Variants in SV2B observed in about 807,000 individuals in gnomAD.
SV2B encodes synaptic vesicle glycoprotein 2B, also known as solute carrier family 22 member B2.
A neutral mutation model predicts 73.9 loss-of-function variants in SV2B; 41 were observed. The ratio of observed to expected loss-of-function variants is 0.56; its 90% CI spans 0.43 to 0.72. The LOEUF (loss-of-function observed/expected upper bound fraction) is 0.72. Ranked by LOEUF, SV2B falls within the 30% of genes least tolerant of loss-of-function variation. SV2B has a pLI of 0.00. For synonymous variants in SV2B, 314 were observed against 314.2 expected (o/e 1.00, Z 0.01); for missense variants, 764 against 857.8 (o/e 0.89, Z 1.37).
chr15:91,301,706 T>C lies in SV2B; in HGVS notation c.*9154T>C, dbSNP rs564122087. Among the ~76,000 whole-genome samples the C allele has an allele frequency of 8.7e-4, 132 of 152,294 alleles. No homozygotes were observed. The Middle Eastern group carries it at 0.01, about 12-fold the overall frequency. On this transcript the variant is annotated 3_prime_UTR_variant, in exon 13 of 13. Coordinates refer to ENST00000394232, the MANE Select transcript of SV2B (RefSeq NM_001323032.3). This position sits in a 1 kb window ranked among gnomAD's most constrained non-coding sequence, Gnocchi z 4.3. Reference sequence around the variant, plus strand: ...ACTGAGTATTCCTTATCCCAAATGTTTGGGACCAGAAGTGTTCTGGATTTC... The same window carrying C: ...ACTGAGTATTCCTTATCCCAAATGTCTGGGACCAGAAGTGTTCTGGATTTC...
intron 9 of SV2B, among the ~76,000 whole-genome samples, chr15:91,270,978 C>CGGTGAGTCCTGTGGACGATGGGA (rs2048289625): frequency 1.1e-5 from 1 of 90,998 alleles, no homozygotes; most frequent in African/African-American, 6.7e-5. Context: ...GGATGATGGG[C>CGGTGAGTCCTGTGGACGATGGGA]GGACGGTGAG....
rs1349976242 is a variant in SV2B, at chr15:91,111,738, A to G, written c.-392+11375A>G. ...GGGTAATTTATAAGAAAAGAGTTTT[A>G]ATTGGCTCATGGTTCTGCAGGCTAC... On this transcript the variant is annotated intron_variant, in intron 1 of 12. Transcript: ENST00000394232. Among the ~76,000 whole-genome samples the G allele has an allele frequency of 2.6e-5, 4 of 152,266 alleles. No individual in the cohort carries two copies. In the East Asian group the frequency reaches 5.8e-4, roughly 22 times the overall value.
At position 91,174,101 on chromosome 15, in the gene SV2B, A is replaced by G. The variant is rs145564557; in HGVS notation, c.-391-51772A>G. 6.3e-3 allele frequency among the ~76,000 whole-genome samples: 964 copies of G among 152,338 alleles called. 10 individuals carry two copies. Among genetic ancestry groups the G allele is most frequent in the African/African-American group, 0.022 (910 of 41,570 alleles). ...CACTTGTCTGAAAAGTCTAATACCA[A>G]ACAGGTTTCTGAAGAGCCAGCGGAA... is the stretch of plus-strand genomic sequence containing the variant. On this transcript the variant is annotated intron_variant, in intron 1 of 12. Transcript: ENST00000394232.
At chr15:91,186,183 A>G (rs2044762981) in intron 1 of SV2B, among the ~76,000 whole-genome samples, 1 of 152,234 alleles carries the variant, frequency 6.6e-6, no homozygotes, top group South Asian at 2.1e-4. Flanking sequence ...ATACAGAATG[A>G]AAGAAGGCTG....
At chr15:91,131,647 A>C (rs529060895) in intron 1 of SV2B, among the ~76,000 whole-genome samples, 14 of 135,884 alleles carry the variant, frequency 1.0e-4, no homozygotes, top group Admixed American at 9.7e-4. Context: ...GCTACAAAAA[A>C]TTTGAAAAAA....
At chr15:91,181,186 C>A (rs1237940503) in intron 1 of SV2B, among the ~76,000 whole-genome samples, 1 of 152,224 alleles carries the variant, frequency 6.6e-6, no homozygotes, top group Non-Finnish European at 1.5e-5. Context: ...TGGGTTTCAG[C>A]AGCAGTGTCT....
At chr15:91,233,123 T>C (rs1290545872) in intron 2 of SV2B, among the ~76,000 whole-genome samples, 3 of 152,192 alleles carry the variant, frequency 2.0e-5, no homozygotes, top group Non-Finnish European at 4.4e-5. Context: ...TGGGCACTTA[T>C]GTTGATTCGA....
Position 91,268,489 on chromosome 15 carries a change from A to G in SV2B, c.1257A>G (p.Gln419=). ...TTCCTGATATGATCCGCTATTTTCA[A>G]GATGAAGAATACAAGTCTAAAATGA... ...VWFPDMIRYF[Q]DEEYKSKMKV... Residue 419 remains glutamine, a synonymous_variant, in exon 9 of 13, where the codon CAA becomes CAG. Coordinates refer to ENST00000394232, the MANE Select transcript of SV2B (RefSeq NM_001323032.3). The surrounding 1 kb of genome is among the most constrained non-coding windows in gnomAD (Gnocchi z 4.4). 1 of 1,614,112 alleles carries G rather than the reference A, an allele frequency of 6.2e-7. No individual in the cohort carries two copies. The highest frequency in any genetic ancestry group is 8.5e-7 in the Non-Finnish European group (1 of 1,179,960).
At chr15:91,262,511 G>A (rs913009438) in intron 6 of SV2B, among the ~76,000 whole-genome samples, 1 of 152,046 alleles carries the variant, frequency 6.6e-6, no homozygotes, top group African/African-American at 2.4e-5. Flanking sequence ...GGTTGTTATA[G>A]AGGTGAACGT....
intron 1 of SV2B, among the ~76,000 whole-genome samples, chr15:91,205,539 T>G (rs2045604243): frequency 6.6e-6 from 1 of 152,000 alleles, no homozygotes; most frequent in African/African-American, 2.4e-5. Flanking sequence ...CTAATATTTG[T>G]ATTTTTAGTA....
In SV2B at chr15:91,123,332, C is replaced by A. The variant is rs141336828; in HGVS notation, c.-392+22969C>A. On this transcript the variant is annotated intron_variant, in intron 1 of 12. Coordinates refer to ENST00000394232, the MANE Select transcript of SV2B (RefSeq NM_001323032.3). This position sits in a 1 kb window ranked among gnomAD's most constrained non-coding sequence, Gnocchi z 4.7. ...TGTGTTCTTATCATACACACATACA[C>A]ACACAAAAAGATAAGTCTGTGAGGT... 6.6e-6 allele frequency among the ~76,000 whole-genome samples: 1 copy of A among 152,162 alleles called. No homozygotes were observed. The highest frequency in any genetic ancestry group is 2.4e-5 in the African/African-American group (1 of 41,438).
chr15:91,256,666 A>G (rs2047703563), intron 4 of SV2B, among the ~76,000 whole-genome samples: 1 of 152,348 alleles, frequency 6.6e-6, no homozygotes, highest in East Asian at 1.9e-4. Flanking sequence ...ATGATAAGAG[A>G]CCAAGCTGTG....
intron 1 of SV2B, among the ~76,000 whole-genome samples, chr15:91,162,056 A>G (rs117932772): frequency 0.012 from 1,853 of 152,348 alleles, 19 homozygotes; most frequent in Non-Finnish European, 0.019. Flanking sequence ...GATTTAAACA[A>G]TGAATTACCT....
chr15:91,192,157 A>G (rs1187669112), intron 1 of SV2B, among the ~76,000 whole-genome samples: 1 of 152,110 alleles, frequency 6.6e-6, no homozygotes, highest in Non-Finnish European at 1.5e-5. Flanking sequence ...TTGTTAACAT[A>G]TTTATTCACT....
At position 91,294,790 on chromosome 15, in the gene SV2B, A is replaced by C. The variant is rs1388839948; in HGVS notation, c.*2238A>C. ...GGTGGCTGCAATAATTTGGGGGCTA[A>C]CTCCATTTGGTTTCCAAGATCTCAC... On this transcript the variant is annotated 3_prime_UTR_variant, in exon 13 of 13. Transcript: ENST00000394232. The surrounding 1 kb of genome is among the most constrained non-coding windows in gnomAD (Gnocchi z 4.1). 1 of 152,056 alleles carries C rather than the reference A, an allele frequency of 6.6e-6. No homozygotes were observed. The allele number at this position is 152,056 out of a possible 1,614,324, so 9.4% of individuals were successfully genotyped here. A position where few individuals can be genotyped will look rare whatever the true frequency, so the allele number is the denominator to read the frequency against.
chr15:91,205,508 G>C (rs1462888271), intron 1 of SV2B, among the ~76,000 whole-genome samples: 1 of 151,984 alleles, frequency 6.6e-6, no homozygotes, highest in South Asian at 2.1e-4. Context: ...TGGGATTACA[G>C]GTGTGCACCA....
intron 1 of SV2B, among the ~76,000 whole-genome samples, chr15:91,126,304 A>G (rs1352443962): frequency 6.6e-6 from 1 of 152,316 alleles, no homozygotes; most frequent in East Asian, 1.9e-4. Flanking sequence ...CCTCCATCCA[A>G]ATATGGGTTG....
At chr15:91,150,457 G>A (rs1228854773) in intron 1 of SV2B, among the ~76,000 whole-genome samples, 2 of 152,138 alleles carry the variant, frequency 1.3e-5, no homozygotes, top group Non-Finnish European at 2.9e-5. Context: ...TAACTTTCAG[G>A]TAGCTGCTAA....
rs2049399570 is a variant in SV2B at position 91,300,272 on chromosome 15, G to A, written c.*7720G>A. 2 of 152,098 alleles carry A rather than the reference G, an allele frequency of 1.3e-5. No individual in the cohort carries two copies. Among genetic ancestry groups the A allele is most frequent in the Admixed American group, 6.5e-5 (1 of 15,272 alleles). The allele number at this position is 152,098 out of a possible 1,614,324, so 9.4% of individuals were successfully genotyped here. On this transcript the variant is annotated 3_prime_UTR_variant, in exon 13 of 13. Transcript: ENST00000394232. ...TATTTTTTTTTGTGTGTGAGATTTG[G>A]TCTCAGCTTTTTGGTCCATCTGAAT...
Sources: allele counts gnomAD v4.1 joint callset (sites outside exome capture counted in the v4.1 genomes callset), GRCh38; gene constraint gnomAD v4.1.1; non-coding constraint Gnocchi (gnomAD v3.1); transcripts MANE v1.5; gene names NCBI Gene and HGNC (gene_info 2026-07-23, HGNC 2026-07-21).